NKAIN3: variants seen among roughly 807,000 people sequenced by gnomAD.
The protein encoded by NKAIN3 is sodium/potassium-transporting ATPase subunit beta-1-interacting protein 3.
NKAIN3 carries 25 observed loss-of-function variants against 30.2 expected under a neutral mutation model. That is an observed-to-expected ratio of 0.83 (90% CI 0.60 to 1.16). The LOEUF (loss-of-function observed/expected upper bound fraction) is 1.16. Ranked by LOEUF, NKAIN3 falls within the 50% of genes most tolerant of loss-of-function variation. The pLI, the probability that NKAIN3 is intolerant of heterozygous loss-of-function variation, is 0.00. For synonymous variants in NKAIN3, 91 were observed against 89.6 expected, an observed-to-expected ratio of 1.02 and a Z score of -0.09; for missense variants, 225 against 254.1, an observed-to-expected ratio of 0.89 and a Z score of 0.78.
chr8:62,304,128 A>G (rs1814144233), intron 1 of NKAIN3, among the ~76,000 whole-genome samples: 1 of 150,462 alleles, frequency 6.6e-6, no homozygotes, highest in African/African-American at 2.5e-5. Flanking sequence ...GGGATGGTGT[A>G]AAAATGAGTT....
intron 4 of NKAIN3, among the ~76,000 whole-genome samples, chr8:62,803,293 C>A (rs954931933): frequency 6.6e-6 from 1 of 152,148 alleles, no homozygotes; most frequent in Non-Finnish European, 1.5e-5. Context: ...CTCTCCACCC[C>A]AAATCAACAG....
chr8:62,377,874 T>A lies in NKAIN3; in HGVS notation c.54+128747T>A, dbSNP rs187804771. 2.6e-5 allele frequency among the ~76,000 whole-genome samples: 4 copies of A among 152,242 alleles called. No homozygotes were observed. In the East Asian group the frequency reaches 7.7e-4, roughly 29 times the overall value. ...TTTATAAATTACCCTGTTTTGGGTA[T>A]TGCTTCATAGTGATGTGAGAATGGA... On this transcript the variant is annotated intron_variant, in intron 1 of 6. Coordinates refer to ENST00000623646, the MANE Select transcript of NKAIN3 (RefSeq NM_001304533.3).
chr8:62,605,763 T>C (rs1811105958), intron 3 of NKAIN3, among the ~76,000 whole-genome samples: 1 of 152,116 alleles, frequency 6.6e-6, no homozygotes, highest in Non-Finnish European at 1.5e-5. Context: ...TACTATATTA[T>C]TTTATTTCAG....
intron 1 of NKAIN3, among the ~76,000 whole-genome samples, chr8:62,271,132 C>T (rs1812766722): frequency 6.6e-6 from 1 of 152,118 alleles, no homozygotes; most frequent in Non-Finnish European, 1.5e-5. Context: ...TATAGAGAGT[C>T]AAAGACTCAA....
intron 1 of NKAIN3, among the ~76,000 whole-genome samples, chr8:62,398,717 G>T (rs903329025): frequency 1.5e-4 from 23 of 152,216 alleles, no homozygotes; most frequent in African/African-American, 5.3e-4. Flanking sequence ...TCCTGTTTTA[G>T]TTATGATTGT....
At chr8:62,705,826 T>C (rs1300455708) in intron 3 of NKAIN3, among the ~76,000 whole-genome samples, 2 of 152,172 alleles carry the variant, frequency 1.3e-5, no homozygotes, top group Non-Finnish European at 2.9e-5. Flanking sequence ...AATAGCTTTG[T>C]TTTGATTTTT....
intron 4 of NKAIN3, among the ~76,000 whole-genome samples, chr8:62,824,491 AACACACACACACACACAC>A (rs6150612): frequency 4.1e-4 from 61 of 148,392 alleles, no homozygotes; most frequent in Middle Eastern, 6.9e-3. Context: ...CCACCTCTTC[AACACACACACACACACAC>A]ACACACACAC....
chr8:62,891,794 C>T (rs1229560834), intron 4 of NKAIN3, among the ~76,000 whole-genome samples: 5 of 152,106 alleles, frequency 3.3e-5, no homozygotes, highest in Admixed American at 1.3e-4. Flanking sequence ...TGGCTTCTTC[C>T]CTCTTTCTCC....
intron 1 of NKAIN3, among the ~76,000 whole-genome samples, chr8:62,416,152 A>G (rs1210028729): frequency 6.6e-6 from 1 of 152,124 alleles, no homozygotes; most frequent in Non-Finnish European, 1.5e-5. Flanking sequence ...CTTTCTGGGA[A>G]AATTTGGGGG....
intron 4 of NKAIN3, among the ~76,000 whole-genome samples, chr8:62,756,339 G>A (rs958358516): frequency 2.6e-5 from 4 of 152,004 alleles, no homozygotes; most frequent in Admixed American, 1.3e-4. Context: ...GTGGTCTTTC[G>A]TGTTTGGCTT....
At chr8:62,761,363 G>C (rs1816657411) in intron 4 of NKAIN3, among the ~76,000 whole-genome samples, 1 of 152,078 alleles carries the variant, frequency 6.6e-6, no homozygotes, top group Non-Finnish European at 1.5e-5. Flanking sequence ...GGGTGGATTG[G>C]TCAGTTGTGC....
intron 4 of NKAIN3, among the ~76,000 whole-genome samples, chr8:62,821,530 C>T (rs1256248861): frequency 6.6e-6 from 1 of 152,050 alleles, no homozygotes; most frequent in Non-Finnish European, 1.5e-5. Flanking sequence ...GAGGGGAACT[C>T]TTTGGGCAAG....
intron 1 of NKAIN3, among the ~76,000 whole-genome samples, chr8:62,361,431 ATAG>A (rs1816558688): frequency 6.6e-6 from 1 of 152,258 alleles, no homozygotes; most frequent in African/African-American, 2.4e-5. Context: ...GTGCTCAGCA[ATAG>A]TAGGAATTTT....
intron 4 of NKAIN3, among the ~76,000 whole-genome samples, chr8:62,776,425 T>G (rs1302388370): frequency 6.6e-6 from 1 of 152,174 alleles, no homozygotes; most frequent in Non-Finnish European, 1.5e-5. Flanking sequence ...AATTTCTGGC[T>G]TAGTTTGTGT....
chr8:62,996,323 T>C (rs1044714612), intron 5 of NKAIN3, among the ~76,000 whole-genome samples: 1 of 150,280 alleles, frequency 6.7e-6, no homozygotes, highest in African/African-American at 2.4e-5. Context: ...AACCATCAGA[T>C]CACATGAGAG....
chr8:62,621,286 A>C (rs1180071218), intron 3 of NKAIN3, among the ~76,000 whole-genome samples: 1 of 152,214 alleles, frequency 6.6e-6, no homozygotes, highest in Non-Finnish European at 1.5e-5. Context: ...TGAAGTTTTG[A>C]TTTGTGAGTT....
intron 1 of NKAIN3, among the ~76,000 whole-genome samples, chr8:62,446,138 G>A (rs1057025294): frequency 2.6e-5 from 4 of 152,128 alleles, no homozygotes; most frequent in Non-Finnish European, 2.9e-5. Context: ...TCAACCTGAA[G>A]CCAAATAAGA....
intron 4 of NKAIN3, among the ~76,000 whole-genome samples, chr8:62,870,257 T>TAGATATAG (rs1563603973): frequency 4.7e-5 from 4 of 84,994 alleles, no homozygotes; most frequent in Admixed American, 1.2e-4. Flanking sequence ...TATCTATATA[T>TAGATATAG]ATATCTATAT....
intron 4 of NKAIN3, among the ~76,000 whole-genome samples, chr8:62,826,284 T>G (rs866977929): frequency 2.2e-4 from 33 of 148,810 alleles, no homozygotes; most frequent in African/African-American, 8.0e-4. Context: ...GTGTGAGTGT[T>G]TGTGTGTGTG....
Sources: gnomAD v4.1 joint callset for allele counts (sites outside exome capture counted in the v4.1 genomes callset) on GRCh38, gnomAD v4.1.1 for gene constraint, MANE v1.5 for transcripts, NCBI Gene and HGNC (gene_info 2026-07-23, HGNC 2026-07-21) for gene names.